Variants in SLC45A2 observed in about 807,000 individuals in gnomAD.
SLC45A2 encodes membrane-associated transporter protein.
A neutral mutation model predicts 45.5 loss-of-function variants in SLC45A2; 36 were observed. The ratio of observed to expected loss-of-function variants is 0.79; its 90% CI spans 0.61 to 1.04. The LOEUF (loss-of-function observed/expected upper bound fraction) is 1.04, where lower values mean the gene tolerates loss of function less well. SLC45A2 is among the 50% of genes least tolerant of loss of function. The pLI, the probability that SLC45A2 is intolerant of heterozygous loss-of-function variation, is 0.00. For synonymous variants in SLC45A2, 306 were observed against 269.3 expected, an observed-to-expected ratio of 1.14 and a Z score of -1.33; for missense variants, 719 against 671.0, an observed-to-expected ratio of 1.07 and a Z score of -0.79.
In SLC45A2 at chr5:33,963,999, C is replaced by T. The variant is rs1752528119; in HGVS notation, c.580G>A (p.Gly194Ser). ...ALFTGFGGALGYLLGAIDWAH... is the reference protein window; with the variant it reads ...ALFTGFGGALSYLLGAIDWAH... ...CAGTCTATAGCACCCAAAAGGTAACCCAGGGCACCTCCAAAACCTGGAAAG... is the reference window on the plus strand; with the variant it reads ...CAGTCTATAGCACCCAAAAGGTAACTCAGGGCACCTCCAAAACCTGGAAAG... The change falls in exon 3 of 7, where the codon GGT (glycine) becomes AGT (serine). Residue 194 changes from glycine to serine, a missense_variant. By Grantham distance (56) the Gly-to-Ser change is moderately conservative. Coordinates refer to ENST00000296589, the MANE Select transcript of SLC45A2 (RefSeq NM_016180.5). 3 of 1,613,874 alleles carry T rather than the reference C, an allele frequency of 1.9e-6. No homozygotes were observed. Among genetic ancestry groups the T allele is most frequent in the African/African-American group, 2.7e-5 (2 of 75,018 alleles).
rs71804644 is a variant in SLC45A2, at chr5:33,963,626, AAAC to A, written c.888+62_888+64del. On this transcript the variant is annotated intron_variant, in intron 3 of 6. Coordinates refer to ENST00000296589, the MANE Select transcript of SLC45A2 (RefSeq NM_016180.5). ...AAACAGACAAAACAAACAATTAAAA[AAAC>A]AACAACAACAACAAAGAGCAAGAAT... is the stretch of plus-strand genomic sequence containing the variant. 0.94 allele frequency: 1,454,474 copies of A among 1,546,148 alleles called. 693,025 individuals are homozygous for A. Among genetic ancestry groups the A allele is most frequent in the Non-Finnish European group, 0.98 (1,103,627 of 1,120,760 alleles).
At position 33,958,722 on chromosome 5, in the gene SLC45A2, C is replaced by T. The variant is rs560928477; in HGVS notation, c.889-4218G>A. Among the ~76,000 whole-genome samples, 2 of 152,260 alleles carry T rather than the reference C, an allele frequency of 1.3e-5. 1 individual carries two copies. Among genetic ancestry groups the T allele is most frequent in the African/African-American group, 4.8e-5 (2 of 41,560 alleles). ...ACCAAATAACAAGATCATTCAGAGT[C>T]TACAACATTTTTCATGTGGCCCCTA... is the stretch of plus-strand genomic sequence containing the variant. On this transcript the variant is annotated intron_variant, in intron 3 of 6. Transcript: ENST00000296589.
chr5:33,946,412 C>A, intron 6 of SLC45A2: 1 of 985,526 alleles, frequency 1.0e-6, no homozygotes, highest in Non-Finnish European at 1.2e-6. Flanking sequence ...TTGGAGTTAT[C>A]TCTGTAGCTT....
intron 2 of SLC45A2, among the ~76,000 whole-genome samples, chr5:33,968,117 GA>G (rs1371716572): frequency 1.3e-5 from 2 of 152,048 alleles, no homozygotes; most frequent in Non-Finnish European, 2.9e-5. Flanking sequence ...TAAGACACTG[GA>G]AAAAAATATT....
At chr5:33,975,178 G>C (rs374442756) in intron 2 of SLC45A2, among the ~76,000 whole-genome samples, 6 of 152,204 alleles carry the variant, frequency 3.9e-5, no homozygotes, top group African/African-American at 1.2e-4. Context: ...GCTGAGGTTC[G>C]GGGTTCAGTG....
At chr5:33,973,507 C>A (rs1752842412) in intron 2 of SLC45A2, among the ~76,000 whole-genome samples, 2 of 152,210 alleles carry the variant, frequency 1.3e-5, no homozygotes, top group African/African-American at 2.4e-5. Context: ...GAAGTGACTC[C>A]TTTCCTCTGT....
At chr5:33,961,573 C>T (rs994505788) in intron 3 of SLC45A2, among the ~76,000 whole-genome samples, 3 of 152,152 alleles carry the variant, frequency 2.0e-5, no homozygotes, top group Admixed American at 6.5e-5. Flanking sequence ...AACTCAGGGG[C>T]GATCTCTTCC....
chr5:33,964,018 T>G lies in SLC45A2; in HGVS notation c.563-2A>C. 6.2e-7 allele frequency: 1 copy of G among 1,613,614 alleles called. No homozygotes were observed. The highest frequency in any genetic ancestry group is 8.5e-7 in the Non-Finnish European group (1 of 1,179,688). ...GGTAACCCAGGGCACCTCCAAAACC[T>G]GGAAAGCAAGAAAAGCTATGTTAGC... On this transcript the variant is annotated splice_acceptor_variant, in intron 2 of 6. Transcript: ENST00000296589. LOFTEE classifies it high-confidence loss of function.
intron 2 of SLC45A2, among the ~76,000 whole-genome samples, chr5:33,973,084 G>C (rs1377593189): frequency 1.3e-5 from 2 of 152,156 alleles, no homozygotes; most frequent in African/African-American, 4.8e-5. Flanking sequence ...AGTCAGGGCT[G>C]GGGGTGTGTG....
At chr5:33,946,741 G>A (rs900179980) in intron 6 of SLC45A2, 2 of 1,077,836 alleles carry the variant, frequency 1.9e-6, no homozygotes, top group Middle Eastern at 4.3e-4. Context: ...ATGTACCTCT[G>A]AAAGTTGGGG....
At chr5:33,971,281 A>C in intron 2 of SLC45A2, 1 of 527,350 alleles carries the variant, frequency 1.9e-6, no homozygotes, top group South Asian at 1.4e-5. Flanking sequence ...CTATCAGAAT[A>C]GATGTGGGAA....
intron 2 of SLC45A2, among the ~76,000 whole-genome samples, chr5:33,977,604 G>A (rs1227252406): frequency 6.6e-6 from 1 of 152,188 alleles, no homozygotes; most frequent in Non-Finnish European, 1.5e-5. Flanking sequence ...TGTGAGCAAA[G>A]ACCCAGAACC....
At chr5:33,981,047 G>T (rs1016886059) in intron 2 of SLC45A2, among the ~76,000 whole-genome samples, 3 of 152,152 alleles carry the variant, frequency 2.0e-5, no homozygotes, top group African/African-American at 7.2e-5. Context: ...GGAGACACAC[G>T]TGGAAAGTGC....
At chr5:33,962,147 A>G (rs1162895866) in intron 3 of SLC45A2, among the ~76,000 whole-genome samples, 2 of 152,132 alleles carry the variant, frequency 1.3e-5, no homozygotes, top group African/African-American at 4.8e-5. Context: ...GAACTGATAC[A>G]TTGTTTTATA....
At chr5:33,969,044 A>ACTCTCTCTCTCTCTCTCTCT (rs11272324) in intron 2 of SLC45A2, among the ~76,000 whole-genome samples, 2,755 of 89,032 alleles carry the variant, frequency 0.031, 236 homozygotes, top group South Asian at 0.22. Context: ...AGTACCAGCT[A>ACTCTCTCTCTCTCTCTCTCT]CTCTCTCTCT....
chr5:33,954,936 G>C (rs1352602037), intron 3 of SLC45A2, among the ~76,000 whole-genome samples: 4 of 152,174 alleles, frequency 2.6e-5, no homozygotes, highest in African/African-American at 9.7e-5. Context: ...TTGGTCCCCT[G>C]ATGTCATCCC....
At chr5:33,964,082 A>T in intron 2 of SLC45A2, 66 bp from the exon 3 acceptor site, 1 of 1,528,368 alleles carries the variant, frequency 6.5e-7, no homozygotes, top group East Asian at 2.4e-5. Context: ...TCATGCATAG[A>T]CACTCCCCTT....
At chr5:33,978,911 T>A (rs1245609338) in intron 2 of SLC45A2, among the ~76,000 whole-genome samples, 2 of 152,220 alleles carry the variant, frequency 1.3e-5, no homozygotes, top group Non-Finnish European at 2.9e-5. Context: ...AGATGAGATG[T>A]ACTAAGAGCC....
intron 5 of SLC45A2, among the ~76,000 whole-genome samples, chr5:33,949,918 T>C (rs1752047210): frequency 1.3e-5 from 2 of 152,102 alleles, no homozygotes; most frequent in African/African-American, 4.8e-5. Context: ...CTGGATGTAG[T>C]GCCTCATGCC....
Sources: allele counts gnomAD v4.1 joint callset (sites outside exome capture counted in the v4.1 genomes callset), GRCh38; gene constraint gnomAD v4.1.1; transcripts MANE v1.5; gene names NCBI Gene and HGNC (gene_info 2026-07-23, HGNC 2026-07-21).